Variants in FTCDNL1 observed in about 807,000 individuals in gnomAD.
The protein encoded by FTCDNL1 is formiminotransferase cyclodeaminase N-terminal like.
In FTCDNL1, 11 loss-of-function variants were observed where a neutral mutation model predicts 5.9. The ratio of observed to expected loss-of-function variants is 1.87; its 90% confidence interval spans 1.18 to 3.10. The LOEUF is 3.10. FTCDNL1 is among the 30% of genes most tolerant of loss of function. FTCDNL1 has a pLI of 0.00. For missense variants in FTCDNL1, 115 were observed against 65.5 expected, an observed-to-expected ratio of 1.76 and a Z score of -2.61; for synonymous variants, 58 against 24.8, an observed-to-expected ratio of 2.34 and a Z score of -3.99.
chr2:199,741,424 C>T, the FTCDNL1 span, among the ~76,000 whole-genome samples: 1 of 152,152 alleles, frequency 6.6e-6, no homozygotes, highest in Non-Finnish European at 1.5e-5. Flanking sequence ...AGCACTGGCC[C>T]ACAAAGCACC....
the FTCDNL1 span, among the ~76,000 whole-genome samples, chr2:199,721,146 A>G: frequency 6.6e-6 from 1 of 152,164 alleles, no homozygotes. Flanking sequence ...GTTCCAGGGT[A>G]CATATGCAGG....
the FTCDNL1 span, among the ~76,000 whole-genome samples, chr2:199,684,116 C>G: frequency 1.3e-5 from 2 of 152,358 alleles, no homozygotes; most frequent in East Asian, 3.9e-4. Context: ...TACATTTACA[C>G]TTTCAGTAAT....
chr2:199,813,580 A>T (rs1422623451), intron 4 of FTCDNL1, among the ~76,000 whole-genome samples: 1 of 152,166 alleles, frequency 6.6e-6, no homozygotes, highest in African/African-American at 2.4e-5. Flanking sequence ...AGTTTGAATA[A>T]ACAGATTCTT....
At chr2:199,687,790 G>T in the FTCDNL1 span, among the ~76,000 whole-genome samples, 1 of 152,294 alleles carries the variant, frequency 6.6e-6, no homozygotes, top group Non-Finnish European at 1.5e-5. Flanking sequence ...CTATAATTTA[G>T]TTAATGCTTC....
chr2:199,712,211 AATTG>A, the FTCDNL1 span, among the ~76,000 whole-genome samples: 1 of 152,178 alleles, frequency 6.6e-6, no homozygotes. Context: ...TTTTATTCAA[AATTG>A]ATTAATTTTC....
chr2:199,692,489 T>C, the FTCDNL1 span, among the ~76,000 whole-genome samples: 1 of 152,226 alleles, frequency 6.6e-6, no homozygotes, highest in Non-Finnish European at 1.5e-5. Context: ...AAAGAAGTCA[T>C]TTACAGTGGC....
chr2:199,775,267 G>A (rs1389845551), intron 3 of FTCDNL1, among the ~76,000 whole-genome samples: 4 of 152,218 alleles, frequency 2.6e-5, no homozygotes, highest in Non-Finnish European at 5.9e-5. Context: ...GTGAGGGAGT[G>A]AAGCCAGTAA....
chr2:199,781,599 G>T (rs1328234985), intron 3 of FTCDNL1, among the ~76,000 whole-genome samples: 4 of 152,152 alleles, frequency 2.6e-5, no homozygotes, highest in African/African-American at 9.7e-5. Flanking sequence ...AGAATGGCAG[G>T]GGGTGGGAAA....
downstream of FTCDNL1, among the ~76,000 whole-genome samples, chr2:199,755,868 G>A (rs76306623): frequency 0.011 from 1,706 of 152,240 alleles, 33 homozygotes; most frequent in African/African-American, 0.038. Flanking sequence ...CTTTGCTAAC[G>A]GTAAGTATGA....
the FTCDNL1 span, among the ~76,000 whole-genome samples, chr2:199,674,712 T>TA: frequency 6.6e-6 from 1 of 152,114 alleles, no homozygotes; most frequent in African/African-American, 2.4e-5. Flanking sequence ...ATTAGGCCAA[T>TA]AAAAAAACCT....
Position 199,847,831 on chromosome 2 carries a change from T to C in FTCDNL1, c.115+1017A>G, listed in dbSNP as rs141312340. Among the ~76,000 whole-genome samples the C allele has an allele frequency of 4.1e-3, 626 of 152,292 alleles. 9 individuals carry two copies. Among genetic ancestry groups the C allele is most frequent in the East Asian group, 3.3e-3 (17 of 5,186 alleles). On this transcript the variant is annotated intron_variant, in intron 2 of 4. Coordinates refer to ENST00000420128, the MANE Select transcript of FTCDNL1 (RefSeq NM_001363886.2). ...GAGCTGGCTCTTTCCACAAAAAGCA[T>C]GCAAAATCACAGCTGCATACCAACT...
downstream of FTCDNL1, among the ~76,000 whole-genome samples, chr2:199,808,586 G>T (rs1700853751): frequency 6.6e-6 from 1 of 152,146 alleles, no homozygotes; most frequent in Non-Finnish European, 1.5e-5. Flanking sequence ...CTTGCTCAAA[G>T]CCAGCAGCCT....
chr2:199,697,811 C>A, the FTCDNL1 span, among the ~76,000 whole-genome samples: 1 of 152,146 alleles, frequency 6.6e-6, no homozygotes, highest in Non-Finnish European at 1.5e-5. Context: ...GGCCTAAATG[C>A]CCCCACTTAA....
chr2:199,703,207 G>C, the FTCDNL1 span, among the ~76,000 whole-genome samples: 28 of 145,526 alleles, frequency 1.9e-4, no homozygotes, highest in Middle Eastern at 3.4e-3. Flanking sequence ...CCTCCCCCCT[G>C]CCCCCACCCC....
At chr2:199,780,857 C>T (rs2106325629) in intron 3 of FTCDNL1, among the ~76,000 whole-genome samples, 2 of 152,280 alleles carry the variant, frequency 1.3e-5, no homozygotes, top group Admixed American at 6.5e-5. Context: ...GATCAAATGT[C>T]CCTGCCAGAA....
the FTCDNL1 span, among the ~76,000 whole-genome samples, chr2:199,709,505 C>A: frequency 2.0e-5 from 3 of 151,876 alleles, no homozygotes; most frequent in African/African-American, 7.3e-5. Flanking sequence ...AGATAGATTG[C>A]AGGGAGGGGA....
At chr2:199,841,023 C>T (rs1317716877) in intron 3 of FTCDNL1, among the ~76,000 whole-genome samples, 1 of 151,922 alleles carries the variant, frequency 6.6e-6, no homozygotes, top group Non-Finnish European at 1.5e-5. Flanking sequence ...TGGTGGCATG[C>T]ACCTGTGATC....
intron 3 of FTCDNL1, among the ~76,000 whole-genome samples, chr2:199,798,766 G>A (rs1380891513): frequency 2.0e-5 from 3 of 152,170 alleles, no homozygotes; most frequent in Non-Finnish European, 4.4e-5. Flanking sequence ...CAATCTTATG[G>A]ATTGCTTACA....
chr2:199,724,554 C>T, the FTCDNL1 span, among the ~76,000 whole-genome samples: 216 of 152,202 alleles, frequency 1.4e-3, 2 homozygotes, highest in Non-Finnish European at 2.4e-3. Flanking sequence ...ACTGCTTTAG[C>T]TACATCCCAG....
Sources: allele counts gnomAD v4.1 joint callset (sites outside exome capture counted in the v4.1 genomes callset), GRCh38; gene constraint gnomAD v4.1.1; transcripts MANE v1.5; gene names NCBI Gene and HGNC (gene_info 2026-07-23, HGNC 2026-07-21).